Variants in KCNMA1 observed in about 807,000 individuals in gnomAD.
The protein encoded by KCNMA1 is Calcium-activated potassium channel subunit alpha-1.
KCNMA1 carries 29 observed loss-of-function variants against 140.0 expected under a neutral mutation model. The ratio of observed to expected loss-of-function variants is 0.21; its 90% CI spans 0.15 to 0.28. The LOEUF is 0.28. Ranked by LOEUF, KCNMA1 falls within the 10% of genes least tolerant of loss-of-function variation. KCNMA1 has a pLI of 1.00. For synonymous variants in KCNMA1, 612 were observed against 611.9 expected, an observed-to-expected ratio of 1.00 and a Z score of 0.00; for missense variants, 880 against 1,602.2, an observed-to-expected ratio of 0.55 and a Z score of 7.70.
chr10:77,110,724 C>A (rs1239396733), intron 7 of KCNMA1, among the ~76,000 whole-genome samples: 1 of 152,266 alleles, frequency 6.6e-6, no homozygotes, highest in Admixed American at 6.5e-5. Flanking sequence ...CCGTCCCTGA[C>A]CTTCCTCAAT....
intron 15 of KCNMA1, among the ~76,000 whole-genome samples, chr10:77,035,740 T>C (rs529954166): frequency 3.4e-4 from 52 of 152,308 alleles, no homozygotes; most frequent in Admixed American, 2.5e-3. Flanking sequence ...GTTTCTTTCT[T>C]TCTAAGTGCT....
chr10:77,022,417 C>A (rs757591540), intron 16 of KCNMA1, among the ~76,000 whole-genome samples: 1 of 152,190 alleles, frequency 6.6e-6, no homozygotes, highest in Non-Finnish European at 1.5e-5. Flanking sequence ...TCTTCTTTGA[C>A]CTTACTGGTT....
chr10:77,384,917 G>A lies in KCNMA1; in HGVS notation c.540+18945C>T, dbSNP rs547658442. Among the ~76,000 whole-genome samples the A allele has an allele frequency of 3.9e-5, 6 of 152,284 alleles. No individual in the cohort carries two copies. The South Asian group carries it at 1.2e-3, about 32-fold the overall frequency. ...CCATGGTAACATGAAAACAGCCTGG[G>A]TCATCGAGTCATGAGATCCCAGATT... On this transcript the variant is annotated intron_variant, in intron 2 of 27. Coordinates refer to ENST00000286628, the MANE Select transcript of KCNMA1 (RefSeq NM_001161352.2).
Position 76,885,449 on chromosome 10 carries a change from A to C in KCNMA1, c.*1817T>G. 1.0e-6 allele frequency: 1 copy of C among 985,268 alleles called. No individual in the cohort carries two copies. Among genetic ancestry groups the C allele is most frequent in the Non-Finnish European group, 1.2e-6 (1 of 829,918 alleles). The allele number at this position is 985,268 out of a possible 1,614,324, so 61.0% of individuals were successfully genotyped here. On this transcript the variant is annotated 3_prime_UTR_variant, in exon 28 of 28. Transcript: ENST00000286628. ...TGGGGGAGGGTGGAGGTTCTGACTG[A>C]GCCTCACCATTTGTCAGTAAAAGTG... is the stretch of plus-strand genomic sequence containing the variant.
intron 1 of KCNMA1, among the ~76,000 whole-genome samples, chr10:77,460,217 A>C (rs940187477): frequency 2.0e-5 from 3 of 152,170 alleles, no homozygotes; most frequent in African/African-American, 4.8e-5. Context: ...TTCGTTGATA[A>C]AGTCTGCTGC....
rs559903762 is a variant in KCNMA1 at position 77,247,576 on chromosome 10, G to A, written c.602+3619C>T. Among the ~76,000 whole-genome samples, 10 of 152,308 alleles carry A rather than the reference G, an allele frequency of 6.6e-5. No individual in the cohort carries two copies. The East Asian group carries it at 1.2e-3, about 18-fold the overall frequency. On this transcript the variant is annotated intron_variant, in intron 3 of 27. Transcript: ENST00000286628. Reference sequence around the variant, plus strand: ...AGGACAGGGTTGGCGTTGGTGTCGGGAGACATCAGAATTAGGAACTAAAGT... The same window carrying A: ...AGGACAGGGTTGGCGTTGGTGTCGGAAGACATCAGAATTAGGAACTAAAGT...
chr10:77,146,656 G>A (rs1171468927), intron 5 of KCNMA1, among the ~76,000 whole-genome samples: 2 of 129,354 alleles, frequency 1.5e-5, no homozygotes, highest in African/African-American at 2.9e-5. Context: ...GAGCGGAGAT[G>A]GTGCCACTAC....
At chr10:77,332,096 T>C (rs1157456294) in intron 2 of KCNMA1, among the ~76,000 whole-genome samples, 1 of 151,976 alleles carries the variant, frequency 6.6e-6, no homozygotes, top group Non-Finnish European at 1.5e-5. Flanking sequence ...GCACAGCCCA[T>C]TGTGGGAGAC....
At chr10:77,403,722 CG>C (rs1360019575) in intron 2 of KCNMA1, 139 bp downstream of exon 2, 1 of 751,920 alleles carries the variant, frequency 1.3e-6, no homozygotes, top group African/African-American at 1.8e-5. Flanking sequence ...CATGACCACG[CG>C]GGAGCACTTG....
chr10:77,026,815 C>A (rs2093495235), intron 16 of KCNMA1, among the ~76,000 whole-genome samples: 4 of 152,144 alleles, frequency 2.6e-5, no homozygotes, highest in African/African-American at 7.2e-5. Flanking sequence ...TAGACACAGA[C>A]TATACACTTG....
In KCNMA1 at chr10:77,188,778, C is replaced by T. The variant is rs758853597; in HGVS notation, c.603-3862G>A. 1.3e-5 allele frequency among the ~76,000 whole-genome samples: 2 copies of T among 152,142 alleles called. 1 individual carries two copies. The highest frequency in any genetic ancestry group is 4.1e-4 in the South Asian group (2 of 4,826). Reference sequence around the variant, plus strand: ...ATGATCCAACAGACCTTCCCAAAGACTGACTTAAGAACTTATCTTTTCAGA... The same window carrying T: ...ATGATCCAACAGACCTTCCCAAAGATTGACTTAAGAACTTATCTTTTCAGA... On this transcript the variant is annotated intron_variant, in intron 3 of 27. Coordinates refer to ENST00000286628, the MANE Select transcript of KCNMA1 (RefSeq NM_001161352.2).
Position 77,090,116 on chromosome 10 carries a change from AATGAGCTCCACT to A in KCNMA1, c.1334+272_1334+283del, listed in dbSNP as rs550415981. Among the ~76,000 whole-genome samples, 272 of 152,274 alleles carry A rather than the reference AATGAGCTCCACT, an allele frequency of 1.8e-3. 1 individual carries two copies. The highest frequency in any genetic ancestry group is 6.4e-3 in the African/African-American group (265 of 41,548). On this transcript the variant is annotated intron_variant, in intron 10 of 27. Transcript: ENST00000286628. ...GACAATGATGATGACTTGGACCCAC[AATGAGCTCCACT>A]ATTATTTCTTCCAGAGATAAACTCG... is the stretch of plus-strand genomic sequence containing the variant.
rs186103005 is a variant in KCNMA1, at chr10:77,354,177, G to A, written c.540+49685C>T. ...AATTTTTGTATTTTTAGTAGAGACA[G>A]GGTTTCACCATGTTGGCCATGATGG... On this transcript the variant is annotated intron_variant, in intron 2 of 27. Coordinates refer to ENST00000286628, the MANE Select transcript of KCNMA1 (RefSeq NM_001161352.2). 7.3e-4 allele frequency among the ~76,000 whole-genome samples: 111 copies of A among 152,310 alleles called. No homozygotes were observed. In the South Asian group the frequency reaches 8.3e-3, roughly 11 times the overall value.
intron 1 of KCNMA1, among the ~76,000 whole-genome samples, chr10:77,497,212 A>G (rs2042264675): frequency 6.6e-6 from 1 of 152,188 alleles, no homozygotes; most frequent in Non-Finnish European, 1.5e-5. Context: ...TTTATTATCA[A>G]CTGTCTTTTA....
intron 1 of KCNMA1, among the ~76,000 whole-genome samples, chr10:77,547,151 G>C (rs1478023290): frequency 6.6e-6 from 1 of 152,184 alleles, no homozygotes; most frequent in Non-Finnish European, 1.5e-5. Flanking sequence ...TAGCAAGGGT[G>C]TTTACTAGGA....
chr10:77,021,512 A>G (rs986941776), intron 16 of KCNMA1, among the ~76,000 whole-genome samples: 1 of 152,204 alleles, frequency 6.6e-6, no homozygotes, highest in Non-Finnish European at 1.5e-5. Context: ...GAGGTGCCCT[A>G]TTGGCATTGA....
chr10:77,452,388 C>A (rs1052555032), intron 1 of KCNMA1, among the ~76,000 whole-genome samples: 3 of 152,118 alleles, frequency 2.0e-5, no homozygotes, highest in Admixed American at 1.3e-4. Flanking sequence ...GGGGGGTTAA[C>A]TTTTGTGAAA....
intron 20 of KCNMA1, among the ~76,000 whole-genome samples, chr10:76,964,031 C>T (rs1274308479): frequency 6.6e-6 from 1 of 152,000 alleles, no homozygotes; most frequent in Non-Finnish European, 1.5e-5. Context: ...ATTACTATTT[C>T]CTGATACTTC....
At chr10:77,550,248 C>T (rs1055212353) in intron 1 of KCNMA1, among the ~76,000 whole-genome samples, 6 of 152,180 alleles carry the variant, frequency 3.9e-5, no homozygotes, top group African/African-American at 1.4e-4. Flanking sequence ...CTCCCAAGCC[C>T]AGTGGGATCA....
Sources: allele counts gnomAD v4.1 joint callset (sites outside exome capture counted in the v4.1 genomes callset), GRCh38; gene constraint gnomAD v4.1.1; transcripts MANE v1.5; gene names NCBI Gene and HGNC (gene_info 2026-07-23, HGNC 2026-07-21).